The following LYST variants were observed in gnomAD, a reference collection of about 807,000 sequenced individuals.
LYST encodes the protein lysosomal-trafficking regulator.
LYST carries 192 observed loss-of-function variants against 413.6 expected under a neutral mutation model. The ratio of observed to expected loss-of-function variants is 0.46; its 90% CI spans 0.41 to 0.52. The LOEUF is 0.52. Ranked by LOEUF, LYST falls within the 20% of genes least tolerant of loss-of-function variation. LYST has a pLI of 0.00. For missense variants in LYST, 3,815 were observed against 4,499.9 expected (o/e 0.85, Z 4.35); for synonymous variants, 1,525 against 1,567.3 (o/e 0.97, Z 0.64).
intron 1 of LYST, among the ~76,000 whole-genome samples, chr1:235,877,505 C>G (rs1451301532): frequency 6.6e-6 from 1 of 152,132 alleles, no homozygotes; most frequent in East Asian, 1.9e-4. Flanking sequence ...CTCCCGGGTT[C>G]AAGCAATTCT....
intron 30 of LYST, 66 bp downstream of exon 30, chr1:235,743,913 C>T: frequency 1.1e-6 from 1 of 900,096 alleles, no homozygotes. Context: ...ACGTATAATA[C>T]AGTCAACATA....
At chr1:235,794,724 A>C (rs979157864) in intron 10 of LYST, among the ~76,000 whole-genome samples, 1 of 152,220 alleles carries the variant, frequency 6.6e-6, no homozygotes, top group African/African-American at 2.4e-5. Context: ...TAGTACATAC[A>C]TCTGGAGAGA....
At chr1:235,766,390 T>C (rs1333961259) in intron 20 of LYST, 113 bp from the exon 21 acceptor site, 4 of 714,334 alleles carry the variant, frequency 5.6e-6, no homozygotes, top group Non-Finnish European at 9.5e-6. Flanking sequence ...TTTACTACTC[T>C]AGTCTGATCA....
chr1:235,663,214 C>A, intron 52 of LYST, 136 bp from the exon 53 acceptor site: 1 of 692,892 alleles, frequency 1.4e-6, no homozygotes, highest in East Asian at 2.7e-5. Flanking sequence ...TGACTGCCTA[C>A]AACTCATTGG....
chr1:235,833,492 G>A (rs564170907), intron 2 of LYST, 86 bp downstream of exon 2: 1 of 202,890 alleles, frequency 4.9e-6, no homozygotes, highest in African/African-American at 2.4e-5. Flanking sequence ...TTTTAACTTT[G>A]GGGTTTAACG....
At chr1:235,730,378 G>C (rs937309023) in intron 36 of LYST, among the ~76,000 whole-genome samples, 1 of 152,048 alleles carries the variant, frequency 6.6e-6, no homozygotes, top group African/African-American at 2.4e-5. Flanking sequence ...TAAAGAGCTA[G>C]TAAGAGCAGG....
chr1:235,860,313 A>G (rs541811824), intron 1 of LYST, among the ~76,000 whole-genome samples: 3 of 152,316 alleles, frequency 2.0e-5, no homozygotes, highest in East Asian at 3.9e-4. Flanking sequence ...CTAAACTGGT[A>G]CATTTGTTAT....
At position 235,775,242 on chromosome 1, in the gene LYST, C is replaced by T. The variant is rs533588992; in HGVS notation, c.5461-156G>A. 3.5e-4 allele frequency among the ~76,000 whole-genome samples: 54 copies of T among 152,138 alleles called. No individual in the cohort carries two copies. In the South Asian group the frequency reaches 0.011, roughly 31 times the overall value. On this transcript the variant is annotated intron_variant, in intron 17 of 52. Transcript: ENST00000389793. ...TACCTATGTAAGGCTTGTGAATAAA[C>T]AAAACTGAGAGTAAGGCATAAACTC...
At chr1:235,673,041 T>C (rs2103027038) in intron 50 of LYST, among the ~76,000 whole-genome samples, 1 of 152,244 alleles carries the variant, frequency 6.6e-6, no homozygotes, top group Non-Finnish European at 1.5e-5. Context: ...CGAGCCCATC[T>C]GGGAAGGAAC....
chr1:235,879,306 A>C (rs904035577), intron 1 of LYST, among the ~76,000 whole-genome samples: 2 of 152,260 alleles, frequency 1.3e-5, no homozygotes, highest in African/African-American at 2.4e-5. Context: ...AATTCTGACC[A>C]GTTGAAGGCA....
intron 42 of LYST, among the ~76,000 whole-genome samples, chr1:235,713,829 G>T (rs533414510): frequency 5.6e-4 from 86 of 152,292 alleles, no homozygotes; most frequent in African/African-American, 2.0e-3. Context: ...GAAAGTGAAT[G>T]GAGACTGAGG....
In LYST at chr1:235,857,742, T is replaced by TAC. The variant is rs56208034; in HGVS notation, c.-98+9099_-98+9100dup. On this transcript the variant is annotated intron_variant, in intron 1 of 52. Coordinates refer to ENST00000389793, the MANE Select transcript of LYST (RefSeq NM_000081.4). ...GTATATATACACAAACATATGTAAA[T>TAC]ACACACACACACACACACACACACA... is the stretch of plus-strand genomic sequence containing the variant. Among the ~76,000 whole-genome samples the TAC allele has an allele frequency of 6.1e-3, 786 of 129,318 alleles. 5 individuals carry two copies. The highest frequency in any genetic ancestry group is 0.018 in the African/African-American group (579 of 32,094). 84.8% of individuals were successfully genotyped at this position (129,318 alleles called of 152,430 possible).
intron 38 of LYST, among the ~76,000 whole-genome samples, 181 bp from the exon 39 acceptor site, chr1:235,724,361 A>G (rs975794676): frequency 1.3e-5 from 2 of 152,224 alleles, no homozygotes; most frequent in African/African-American, 4.8e-5. Context: ...AAATTTAGAA[A>G]TAAAAAAAAT....
At chr1:235,702,129 C>T (rs917987875) in intron 45 of LYST, among the ~76,000 whole-genome samples, 2 of 152,222 alleles carry the variant, frequency 1.3e-5, no homozygotes, top group Admixed American at 6.5e-5. Context: ...TCACATTCTA[C>T]TATCTTATGC....
rs57043954 is a variant in LYST, at chr1:235,862,806, AACACACACACACACAC to A, written c.-98+4021_-98+4036del. Among the ~76,000 whole-genome samples, 380 of 121,534 alleles carry A rather than the reference AACACACACACACACAC, an allele frequency of 3.1e-3. 2 individuals carry two copies. The highest frequency in any genetic ancestry group is 0.011 in the African/African-American group (356 of 31,364). The allele number at this position is 121,534 out of a possible 152,430, so 79.7% of individuals were successfully genotyped here. On this transcript the variant is annotated intron_variant, in intron 1 of 52. Coordinates refer to ENST00000389793, the MANE Select transcript of LYST (RefSeq NM_000081.4). Reference sequence around the variant, plus strand: ...GCAAGTCTCCATCTCAAAACAAACAAACACACACACACACACACACACACACACACACACACACACA... The same window carrying A: ...GCAAGTCTCCATCTCAAAACAAACAAACACACACACACACACACACACACA...
chr1:235,820,606 A>G (rs1052805982), intron 3 of LYST, among the ~76,000 whole-genome samples: 2 of 152,146 alleles, frequency 1.3e-5, no homozygotes, highest in African/African-American at 4.8e-5. Context: ...CCTGGGCTCA[A>G]GCAATCTGTC....
intron 3 of LYST, among the ~76,000 whole-genome samples, chr1:235,820,560 G>A (rs1190153233): frequency 6.6e-6 from 1 of 151,868 alleles, no homozygotes; most frequent in Admixed American, 6.6e-5. Context: ...TTGTAGAGAT[G>A]GGGTTTTGCC....
At chr1:235,840,988 A>G (rs1351896147) in intron 1 of LYST, among the ~76,000 whole-genome samples, 1 of 152,202 alleles carries the variant, frequency 6.6e-6, no homozygotes, top group Non-Finnish European at 1.5e-5. Context: ...CCTGCGAAGA[A>G]CACACAAGAA....
rs375665715 is a variant in LYST at position 235,759,180 on chromosome 1, G to A, written c.6673C>T (p.Arg2225Cys). The A allele has an allele frequency of 3.3e-5, 54 of 1,614,020 alleles. No homozygotes were observed. The highest frequency in any genetic ancestry group is 3.1e-4 in the South Asian group (28 of 91,096). The change falls in exon 23 of 53, where the codon CGC becomes TGC. Residue 2225 changes from arginine to cysteine, a missense_variant. Physicochemically the swap from Arg to Cys is radical, Grantham distance 180. This residue lies in a region of LYST where 771 missense variants were observed against 837.1 expected (regional missense o/e 0.92). Coordinates refer to ENST00000389793, the MANE Select transcript of LYST (RefSeq NM_000081.4). ...AATCCCTTTAGGTAATCAGGTCGGC[G>A]TGGGCAGGACTCATCCCCAGGACTG... ...DDSPGDESCP[R>C]RPDYLKGLAS...
Sources: gnomAD v4.1 joint callset for allele counts (sites outside exome capture counted in the v4.1 genomes callset) on GRCh38, gnomAD v4.1.1 for gene constraint, gnomAD v4.1.1 regional missense constraint, MANE v1.5 for transcripts, NCBI Gene and HGNC (gene_info 2026-07-23, HGNC 2026-07-21) for gene names.